PMS1: variants seen among roughly 807,000 people sequenced by gnomAD.
The protein encoded by PMS1 is PMS1 homolog 1, mismatch repair system component.
PMS1 carries 79 observed loss-of-function variants against 93.1 expected under a neutral mutation model. The observed-to-expected ratio is 0.85, with a 90% CI of 0.71 to 1.02. PMS1 has a LOEUF of 1.02. Among genes scored for constraint, PMS1 ranks in the 50% least tolerant of loss-of-function variants. The pLI, the probability that PMS1 is intolerant of heterozygous loss-of-function variation, is 0.00. For missense variants in PMS1, 1,064 were observed against 1,085.3 expected, an observed-to-expected ratio of 0.98 and a Z score of 0.28; for synonymous variants, 335 against 363.4, an observed-to-expected ratio of 0.92 and a Z score of 0.89.
intron 5 of PMS1, among the ~76,000 whole-genome samples, chr2:189,843,048 C>T (rs926192163): frequency 6.7e-6 from 1 of 150,038 alleles, no homozygotes; most frequent in African/African-American, 2.5e-5. Flanking sequence ...GACAGAGTCA[C>T]GCTCTGTCAC....
intron 1 of PMS1, among the ~76,000 whole-genome samples, chr2:189,788,629 A>T (rs934963867): frequency 6.6e-6 from 1 of 152,208 alleles, no homozygotes; most frequent in Non-Finnish European, 1.5e-5. Flanking sequence ...TCTAGTAGTC[A>T]CATTAAACAG....
At chr2:189,814,561 ATTTTC>A (rs1490681427) in intron 4 of PMS1, among the ~76,000 whole-genome samples, 1 of 151,920 alleles carries the variant, frequency 6.6e-6, no homozygotes, top group East Asian at 1.9e-4. Flanking sequence ...ACTTTCTCTT[ATTTTC>A]TTTAAGTATT....
At chr2:189,808,636 G>A (rs1031044511) in intron 4 of PMS1, among the ~76,000 whole-genome samples, 2 of 152,076 alleles carry the variant, frequency 1.3e-5, no homozygotes, top group African/African-American at 4.8e-5. Flanking sequence ...CAGCCTAAAA[G>A]ACATATTTTA....
chr2:189,809,309 C>T (rs2050613681), intron 4 of PMS1, among the ~76,000 whole-genome samples: 1 of 152,126 alleles, frequency 6.6e-6, no homozygotes, highest in African/African-American at 2.4e-5. Context: ...TATTACAACA[C>T]TGCAGTTTAA....
chr2:189,808,317 A>G (rs1422086806), intron 4 of PMS1, among the ~76,000 whole-genome samples: 1 of 151,942 alleles, frequency 6.6e-6, no homozygotes, highest in Admixed American at 6.6e-5. Context: ...CCTTTAAAAA[A>G]CGTAATTTAT....
At chr2:189,797,303 A>C (rs1482666346) in intron 3 of PMS1, among the ~76,000 whole-genome samples, 1 of 152,170 alleles carries the variant, frequency 6.6e-6, no homozygotes, top group Non-Finnish European at 1.5e-5. Context: ...TTAGGTGCTC[A>C]GTGTCTATGA....
chr2:189,854,427 T>C lies in PMS1; in HGVS notation c.1155T>C (p.Thr385=). Residue 385 remains threonine (T), a synonymous_variant, in exon 9 of 13, where the codon ACT becomes ACC. Transcript: ENST00000441310. ...GAAAGAATTATTCAAATGTTGATACTTCAGTCATTCCATTCCAAAATGATA... is the reference window on the plus strand; with the variant it reads ...GAAAGAATTATTCAAATGTTGATACCTCAGTCATTCCATTCCAAAATGATA... The part of the protein sequence containing the change: ...SSGKNYSNVD[T]SVIPFQNDMH... The C allele has an allele frequency of 6.2e-7, 1 of 1,608,222 alleles. No homozygotes were observed.
chr2:189,829,358 C>G (rs1463602011), intron 5 of PMS1, among the ~76,000 whole-genome samples: 1 of 152,204 alleles, frequency 6.6e-6, no homozygotes, highest in Non-Finnish European at 1.5e-5. Context: ...TAATCACTAC[C>G]TGATGCCTCT....
In PMS1 at chr2:189,791,914, T is replaced by C. The variant is rs1318842000; in HGVS notation, c.105T>C (p.Ala35=). ...VKELIENSLD[A]GATSVDVKLE... is the part of the protein sequence containing the mutation. ...AGCTTATTGAAAACTCCTTGGATGC[T>C]GGTGCCACAAGCGTAGATGTTAAAC... The change falls in exon 2 of 13, where the codon GCT becomes GCC. Residue 35 remains alanine, a synonymous_variant. Coordinates refer to ENST00000441310, the MANE Select transcript of PMS1 (RefSeq NM_000534.5). The C allele has an allele frequency of 6.2e-7, 1 of 1,614,054 alleles. No individual in the cohort carries two copies. Among genetic ancestry groups the C allele is most frequent in the East Asian group, 2.2e-5 (1 of 44,872 alleles).
rs2055151014 is a variant in PMS1, at chr2:189,854,885, A to T, written c.1613A>T (p.Gln538Leu). 6.2e-7 allele frequency: 1 copy of T among 1,607,328 alleles called. No homozygotes were observed. The highest frequency in any genetic ancestry group is 1.7e-5 in the Admixed American group (1 of 59,744). The stretch of plus-strand genomic sequence containing the variant: ...AATAATAATTATCCAATCCCTGAAC[A>T]AATGAATCTTAATGAAGATTCATGT... Reference protein sequence around the residue: ...VSNNNYPIPEQMNLNEDSCNK... With the variant: ...VSNNNYPIPELMNLNEDSCNK... The change falls in exon 9 of 13, where the codon CAA (glutamine) becomes CTA (leucine). Residue 538 changes from glutamine to leucine, a missense_variant. Gln to Leu is a moderately radical substitution (Grantham distance 113). Coordinates refer to ENST00000441310, the MANE Select transcript of PMS1 (RefSeq NM_000534.5).
intron 5 of PMS1, among the ~76,000 whole-genome samples, chr2:189,830,352 T>C (rs2052815338): frequency 1.3e-5 from 2 of 152,200 alleles, no homozygotes; most frequent in South Asian, 4.1e-4. Flanking sequence ...AGCTCAGGAC[T>C]GTCGCATTTG....
rs750770322 is a variant in PMS1, at chr2:189,854,299, A to G, written c.1027A>G (p.Thr343Ala). The part of the protein sequence containing the change: ...MTTCYGPLPS[T>A]NSYENNKTDV... ...GACTTGTTATGGACCATTACCTAGTACAAATTCTTATGAAAATAATAAAAC... is the reference window on the plus strand; with the variant it reads ...GACTTGTTATGGACCATTACCTAGTGCAAATTCTTATGAAAATAATAAAAC... Residue 343 changes from threonine (T) to alanine (A), a missense_variant, in exon 9 of 13, where the codon ACA becomes GCA. By Grantham distance (58) the Thr-to-Ala change is moderately conservative. Transcript: ENST00000441310. 1 of 1,593,984 alleles carries G rather than the reference A, an allele frequency of 6.3e-7. No homozygotes were observed. The highest frequency in any genetic ancestry group is 8.5e-7 in the Non-Finnish European group (1 of 1,171,214).
intron 10 of PMS1, 68 bp from the exon 11 acceptor site, chr2:189,867,731 A>G: frequency 8.6e-7 from 1 of 1,156,282 alleles, no homozygotes; most frequent in Admixed American, 1.8e-5. Flanking sequence ...CCCTAGGATT[A>G]ACTTTTTCCC....
intron 4 of PMS1, among the ~76,000 whole-genome samples, chr2:189,808,611 G>A (rs888370111): frequency 1.3e-4 from 20 of 152,238 alleles, no homozygotes; most frequent in Admixed American, 1.2e-3. Context: ...GATTATAGGC[G>A]TGAGCCACTG....
At chr2:189,789,621 C>T (rs1041028645) in intron 1 of PMS1, among the ~76,000 whole-genome samples, 3 of 152,166 alleles carry the variant, frequency 2.0e-5, no homozygotes, top group African/African-American at 2.4e-5. Flanking sequence ...TACTCAATTA[C>T]TGAGTCTTTC....
At chr2:189,855,376 T>C (rs1191985482) in intron 9 of PMS1, among the ~76,000 whole-genome samples, 2 of 151,800 alleles carry the variant, frequency 1.3e-5, no homozygotes, top group Non-Finnish European at 2.9e-5. Flanking sequence ...TCTGATATTA[T>C]TAAATTTTTT....
At chr2:189,817,909 G>T (rs2051465945) in intron 4 of PMS1, 108 bp from the exon 5 acceptor site, 1 of 814,120 alleles carries the variant, frequency 1.2e-6, no homozygotes, top group African/African-American at 1.7e-5. Context: ...AGAATTGGAG[G>T]AGGAGACCTT....
At chr2:189,809,227 T>A (rs1039604244) in intron 4 of PMS1, among the ~76,000 whole-genome samples, 13 of 152,278 alleles carry the variant, frequency 8.5e-5, no homozygotes, top group African/African-American at 3.1e-4. Context: ...TACCTTTACA[T>A]TAGGAATATA....
chr2:189,860,575 A>C (rs1367236045), intron 9 of PMS1, among the ~76,000 whole-genome samples: 1 of 152,016 alleles, frequency 6.6e-6, no homozygotes, highest in African/African-American at 2.4e-5. Context: ...CGGATATTTT[A>C]TTTCTAATTT....
Sources: gnomAD v4.1 joint callset for allele counts (sites outside exome capture counted in the v4.1 genomes callset) on GRCh38, gnomAD v4.1.1 for gene constraint, MANE v1.5 for transcripts, NCBI Gene and HGNC (gene_info 2026-07-23, HGNC 2026-07-21) for gene names.